Variants in ABI3BP observed in about 807,000 individuals in gnomAD.
ABI3BP encodes target of Nesh-SH3.
ABI3BP carries 216 observed loss-of-function variants against 268.6 expected under a neutral mutation model. The ratio of observed to expected loss-of-function variants is 0.80; its 90% CI spans 0.72 to 0.90. The LOEUF (loss-of-function observed/expected upper bound fraction) is 0.90, where lower values mean the gene tolerates loss of function less well. Among genes scored for constraint, ABI3BP ranks in the 40% least tolerant of loss-of-function variants. The pLI is 0.00. For synonymous variants in ABI3BP, 730 were observed against 730.0 expected (o/e 1.00, Z 0.00); for missense variants, 2,090 against 2,182.4 (o/e 0.96, Z 0.84).
chr3:100,894,703 G>A (rs933290293), intron 4 of ABI3BP, among the ~76,000 whole-genome samples: 1 of 151,940 alleles, frequency 6.6e-6, no homozygotes, highest in Non-Finnish European at 1.5e-5. Flanking sequence ...ACTTTGGGAG[G>A]CCAAGGAGGG....
chr3:100,793,233 C>T (rs951789865), intron 54 of ABI3BP, among the ~76,000 whole-genome samples: 4 of 151,786 alleles, frequency 2.6e-5, no homozygotes, highest in African/African-American at 7.3e-5. Context: ...AAAATCAGAG[C>T]GTATGTTTGA....
intron 1 of ABI3BP, among the ~76,000 whole-genome samples, chr3:100,937,571 A>G (rs1431115296): frequency 6.6e-6 from 1 of 152,002 alleles, no homozygotes; most frequent in Non-Finnish European, 1.5e-5. Context: ...GACTTTCCTC[A>G]TCTCCATAAC....
chr3:100,816,552 C>T (rs995752041), intron 43 of ABI3BP, 136 bp downstream of exon 43: 1 of 784,430 alleles, frequency 1.3e-6, no homozygotes, highest in Non-Finnish European at 2.2e-6. Flanking sequence ...AGTTGCTACC[C>T]ATGTTAAATA....
chr3:100,775,424 C>A, intron 59 of ABI3BP, 89 bp from the exon 60 acceptor site: 1 of 1,509,770 alleles, frequency 6.6e-7, no homozygotes, highest in Non-Finnish European at 8.9e-7. Context: ...TGTTTTTAAG[C>A]ACTGACCATG....
intron 1 of ABI3BP, among the ~76,000 whole-genome samples, chr3:100,980,243 T>G (rs2088644347): frequency 6.6e-6 from 1 of 152,178 alleles, no homozygotes; most frequent in Admixed American, 6.5e-5. Context: ...TCTTTTTTCT[T>G]TTTTTTGAGA....
At chr3:100,869,992 C>CA (rs528030181) in intron 9 of ABI3BP, among the ~76,000 whole-genome samples, 155 of 152,164 alleles carry the variant, frequency 1.0e-3, no homozygotes, top group Non-Finnish European at 1.7e-3. Context: ...TTATTCACAC[C>CA]ATGTGTTCTT....
At chr3:100,951,752 A>G (rs1173608401) in intron 1 of ABI3BP, among the ~76,000 whole-genome samples, 3 of 151,912 alleles carry the variant, frequency 2.0e-5, no homozygotes, top group African/African-American at 7.3e-5. Flanking sequence ...CTTCATTACC[A>G]TCCTGAGAAC....
intron 1 of ABI3BP, among the ~76,000 whole-genome samples, chr3:100,927,691 G>A (rs1350370897): frequency 6.6e-6 from 1 of 152,044 alleles, no homozygotes; most frequent in Non-Finnish European, 1.5e-5. Context: ...TATCACTAGG[G>A]GGAGGTTGCT....
chr3:100,989,743 AT>A (rs758326668), intron 1 of ABI3BP, among the ~76,000 whole-genome samples: 20 of 152,218 alleles, frequency 1.3e-4, no homozygotes, highest in Non-Finnish European at 2.4e-4. Context: ...CCACTATAAG[AT>A]TTTGTTGGCT....
chr3:100,870,013 A>G (rs926562360), intron 9 of ABI3BP, among the ~76,000 whole-genome samples: 4 of 152,116 alleles, frequency 2.6e-5, no homozygotes, highest in African/African-American at 9.7e-5. Context: ...AGAACAAGCT[A>G]TTATACTTCT....
chr3:100,874,586 T>G (rs1306754330), intron 9 of ABI3BP, among the ~76,000 whole-genome samples: 1 of 152,152 alleles, frequency 6.6e-6, no homozygotes, highest in East Asian at 1.9e-4. Context: ...ATATGTATTT[T>G]GAAGATTTTC....
chr3:100,967,701 A>T (rs889711892), intron 1 of ABI3BP, among the ~76,000 whole-genome samples: 1 of 152,136 alleles, frequency 6.6e-6, no homozygotes, highest in Admixed American at 6.6e-5. Flanking sequence ...AAACAATTCA[A>T]TAAGGTAGAA....
intron 15 of ABI3BP, among the ~76,000 whole-genome samples, chr3:100,851,276 C>T (rs1463314144): frequency 2.6e-5 from 4 of 152,104 alleles, no homozygotes; most frequent in Non-Finnish European, 5.9e-5. Flanking sequence ...TAATTGAATG[C>T]CAAAGATTAG....
At chr3:100,797,683 T>C (rs1371104691) in intron 51 of ABI3BP, among the ~76,000 whole-genome samples, 1 of 151,994 alleles carries the variant, frequency 6.6e-6, no homozygotes, top group Admixed American at 6.6e-5. Flanking sequence ...TTAACTTGCA[T>C]GCCACATCTG....
chr3:100,916,233 T>G (rs1239535186), intron 2 of ABI3BP, among the ~76,000 whole-genome samples: 1 of 152,222 alleles, frequency 6.6e-6, no homozygotes, highest in African/African-American at 2.4e-5. Context: ...TATCAGGACT[T>G]TGTTCGGATA....
At chr3:100,904,387 G>A (rs372811320) in intron 2 of ABI3BP, among the ~76,000 whole-genome samples, 1 of 152,176 alleles carries the variant, frequency 6.6e-6, no homozygotes, top group Non-Finnish European at 1.5e-5. Context: ...ATGCATGTGA[G>A]TGGGGGAAAC....
At chr3:100,924,948 C>A (rs1015459192) in intron 2 of ABI3BP, among the ~76,000 whole-genome samples, 2 of 152,076 alleles carry the variant, frequency 1.3e-5, no homozygotes, top group Non-Finnish European at 2.9e-5. Context: ...TGTGTGGGGG[C>A]AAACACACGG....
At chr3:100,905,221 T>A (rs1286250726) in intron 2 of ABI3BP, among the ~76,000 whole-genome samples, 1 of 151,790 alleles carries the variant, frequency 6.6e-6, no homozygotes, top group Non-Finnish European at 1.5e-5. Flanking sequence ...TGAGAACACA[T>A]GCACACAGGA....
intron 1 of ABI3BP, among the ~76,000 whole-genome samples, chr3:100,978,148 A>G (rs2087242711): frequency 6.6e-6 from 1 of 152,202 alleles, no homozygotes; most frequent in Non-Finnish European, 1.5e-5. Flanking sequence ...TAAGAAAAGA[A>G]GCTCTAACCT....
Sources: gnomAD v4.1 joint callset for allele counts (sites outside exome capture counted in the v4.1 genomes callset) on GRCh38, gnomAD v4.1.1 for gene constraint, MANE v1.5 for transcripts, NCBI Gene and HGNC (gene_info 2026-07-23, HGNC 2026-07-21) for gene names.